COL27A1: variants seen among roughly 807,000 people sequenced by gnomAD.
COL27A1 encodes the protein collagen alpha-1(XXVII) chain.
Under a neutral mutation model 251.3 loss-of-function variants are expected in COL27A1, and 106 were observed. The ratio of observed to expected loss-of-function variants is 0.42; its 90% confidence interval spans 0.36 to 0.50. The LOEUF (loss-of-function observed/expected upper bound fraction) is 0.50, where lower values mean the gene tolerates loss of function less well. COL27A1 is among the 20% of genes least tolerant of loss of function. COL27A1 has a pLI of 0.00. For synonymous variants in COL27A1, 1,000 were observed against 986.3 expected (o/e 1.01, Z -0.26); for missense variants, 2,325 against 2,522.8 (o/e 0.92, Z 1.68).
At chr9:114,307,018 C>G (rs1263074589) in intron 58 of COL27A1, 2 of 288,726 alleles carry the variant, frequency 6.9e-6, no homozygotes, top group Non-Finnish European at 1.3e-5. Flanking sequence ...TCTGCTCTCT[C>G]ATCTGTGAGC....
chr9:114,265,302 C>T (rs1414681817), intron 31 of COL27A1, 120 bp from the exon 32 acceptor site: 4 of 1,172,272 alleles, frequency 3.4e-6, no homozygotes, highest in Non-Finnish European at 4.9e-6. Context: ...CTCAGCCTTC[C>T]CATCTGTCAC....
chr9:114,159,543 G>A (rs1848354278), intron 1 of COL27A1, among the ~76,000 whole-genome samples: 1 of 152,184 alleles, frequency 6.6e-6, no homozygotes, highest in Non-Finnish European at 1.5e-5. Context: ...GAAGGCAAGG[G>A]GTAGTCTCCT....
At chr9:114,251,285 A>T (rs928820416) in intron 25 of COL27A1, among the ~76,000 whole-genome samples, 1 of 152,094 alleles carries the variant, frequency 6.6e-6, no homozygotes, top group Non-Finnish European at 1.5e-5. Flanking sequence ...CATTGAATAG[A>T]TGGAGGAACT....
chr9:114,231,411 G>T (rs73656022), intron 15 of COL27A1, among the ~76,000 whole-genome samples: 2,069 of 152,272 alleles, frequency 0.014, 55 homozygotes, highest in African/African-American at 0.048. Flanking sequence ...GTCCAGTGGG[G>T]GACATCACCA....
At chr9:114,271,308 C>T (rs959269347) in intron 36 of COL27A1, 1 of 159,464 alleles carries the variant, frequency 6.3e-6, no homozygotes, top group African/African-American at 2.4e-5. Flanking sequence ...GCAACTTGCC[C>T]AAGGACACAC....
rs1398981396 is a variant in COL27A1, at chr9:114,250,604, G to A, written c.2980-11G>A. On this transcript the variant is annotated splice_polypyrimidine_tract_variant and intron_variant, in intron 24 of 60. Transcript: ENST00000356083. ...CGTTGTTTCTCTTGCTTTCGGGAAT[G>A]TGTCTCATAGGGATTTATGGGATTC... 6 of 1,611,164 alleles carry A rather than the reference G, an allele frequency of 3.7e-6. No homozygotes were observed. In the South Asian group the frequency reaches 4.4e-5, roughly 12 times the overall value.
At chr9:114,227,168 G>A (rs1052004651) in intron 14 of COL27A1, among the ~76,000 whole-genome samples, 41 of 152,164 alleles carry the variant, frequency 2.7e-4, no homozygotes, top group Non-Finnish European at 4.4e-5. Flanking sequence ...CATGAAGGAT[G>A]GGCACCAGCC....
chr9:114,298,798 C>T (rs1828417990), intron 49 of COL27A1, among the ~76,000 whole-genome samples: 1 of 152,162 alleles, frequency 6.6e-6, no homozygotes, highest in Non-Finnish European at 1.5e-5. Flanking sequence ...TCATCAAAAT[C>T]AAACACTTTT....
chr9:114,209,663 TCTC>T lies in COL27A1; in HGVS notation c.2269-11_2269-9del. 6.2e-7 allele frequency: 1 copy of T among 1,614,076 alleles called. No homozygotes were observed. The highest frequency in any genetic ancestry group is 8.5e-7 in the Non-Finnish European group (1 of 1,179,958). ...GCTTGACCGCTCTGACCCCCTTTCT[TCTC>T]TTTCCTAGGGCTACATTGGGCTCCC... On this transcript the variant is annotated splice_polypyrimidine_tract_variant and intron_variant, in intron 10 of 60. Transcript: ENST00000356083.
chr9:114,259,032 A>T (rs1484645264), intron 28 of COL27A1, among the ~76,000 whole-genome samples: 1 of 152,214 alleles, frequency 6.6e-6, no homozygotes, highest in Non-Finnish European at 1.5e-5. Flanking sequence ...CAGCACATGG[A>T]CTGAGGAAGT....
intron 12 of COL27A1, among the ~76,000 whole-genome samples, chr9:114,212,068 T>C (rs1830405392): frequency 6.6e-6 from 1 of 152,208 alleles, no homozygotes; most frequent in Non-Finnish European, 1.5e-5. Flanking sequence ...ACCTGGGCCC[T>C]CTGGGGGCCA....
At position 114,304,602 on chromosome 9, in the gene COL27A1, GC is replaced by G. The variant is rs775396301; in HGVS notation, c.4873-3del. The G allele has an allele frequency of 1.5e-5, 24 of 1,614,102 alleles. No homozygotes were observed. Among genetic ancestry groups the G allele is most frequent in the Non-Finnish European group, 2.0e-5 (24 of 1,179,996 alleles). ...ACGATACATACCCTGTCTTTTCCTT[GC>G]CCAGCAACAAGATGATCTTGGGGCA... On this transcript the variant is annotated splice_region_variant and splice_polypyrimidine_tract_variant and intron_variant, in intron 56 of 60. Transcript: ENST00000356083.
Position 114,237,048 on chromosome 9 carries a change from C to T in COL27A1, c.2673+14C>T, listed in dbSNP as rs1213786932. The T allele has an allele frequency of 1.3e-6, 2 of 1,590,560 alleles. No individual in the cohort carries two copies. The highest frequency in any genetic ancestry group is 1.3e-5 in the African/African-American group (1 of 74,120). On this transcript the variant is annotated intron_variant, in intron 18 of 60. Coordinates refer to ENST00000356083, the MANE Select transcript of COL27A1 (RefSeq NM_032888.4). ...CCAGGGCCTCTGGTAAGTACCTGCT[C>T]CTCCAGCACCCCCAAACCTCACACT...
intron 13 of COL27A1, 84 bp from the exon 14 acceptor site, chr9:114,222,139 G>C (rs1192991993): frequency 8.3e-7 from 1 of 1,210,506 alleles, no homozygotes; most frequent in African/African-American, 1.5e-5. Flanking sequence ...ACCCCACCAG[G>C]TGCCTGTGTG....
At chr9:114,250,023 C>T (rs1045535708) in intron 24 of COL27A1, among the ~76,000 whole-genome samples, 6 of 152,202 alleles carry the variant, frequency 3.9e-5, no homozygotes, top group Non-Finnish European at 8.8e-5. Flanking sequence ...CTAGAAGAAC[C>T]CCCTGGAACC....
rs1172531530 is a variant in COL27A1 at position 114,300,058 on chromosome 9, T to C, written c.4585-12T>C. The C allele has an allele frequency of 1.9e-6, 3 of 1,614,132 alleles. No individual in the cohort carries two copies. Among genetic ancestry groups the C allele is most frequent in the Admixed American group, 3.3e-5 (2 of 60,028 alleles). On this transcript the variant is annotated splice_polypyrimidine_tract_variant and intron_variant, in intron 49 of 60. Transcript: ENST00000356083. ...AGCTCACTCGCTCCATCACTTCCTG[T>C]TCTTCCTGCAGGGCGACTCTGGCGA...
chr9:114,285,147 C>T (rs970200893), intron 41 of COL27A1, among the ~76,000 whole-genome samples: 5 of 152,200 alleles, frequency 3.3e-5, no homozygotes, highest in African/African-American at 7.2e-5. Flanking sequence ...AATAAGATCA[C>T]CCAGTGAAGA....
Position 114,265,454 on chromosome 9 carries a change from C to T in COL27A1, c.3372C>T (p.Thr1124=). Residue 1124 remains threonine (T), a synonymous_variant, in exon 32 of 61, where the codon ACC becomes ACT. Coordinates refer to ENST00000356083, the MANE Select transcript of COL27A1 (RefSeq NM_032888.4). The part of the protein sequence containing the change: ...GIPGPSGPPG[T]KGLPGEPGPQ... Reference sequence around the variant, plus strand: ...CGGGTCCCTCAGGCCCCCCAGGCACCAAGGGCCTCCCAGGAGAACCGGTAA... The same window carrying T: ...CGGGTCCCTCAGGCCCCCCAGGCACTAAGGGCCTCCCAGGAGAACCGGTAA... 6.2e-7 allele frequency: 1 copy of T among 1,613,912 alleles called. No individual in the cohort carries two copies. Among genetic ancestry groups the T allele is most frequent in the South Asian group, 1.1e-5 (1 of 91,082 alleles).
intron 12 of COL27A1, chr9:114,217,735 C>A (rs1036823004): frequency 2.1e-6 from 1 of 469,460 alleles, no homozygotes; most frequent in African/African-American, 2.0e-5. Context: ...ACAACATTGC[C>A]CTTGTCTCAA....
Sources: gnomAD v4.1 joint callset for allele counts (sites outside exome capture counted in the v4.1 genomes callset) on GRCh38, gnomAD v4.1.1 for gene constraint, MANE v1.5 for transcripts, NCBI Gene and HGNC (gene_info 2026-07-23, HGNC 2026-07-21) for gene names.